The following HIVEP3 variants were observed in gnomAD, a reference collection of about 807,000 sequenced individuals.
HIVEP3 encodes the protein HIVEP zinc finger 3, also known as transcription factor HIVEP3.
In HIVEP3, 49 loss-of-function variants were observed where a neutral mutation model predicts 152.8. The observed-to-expected ratio is 0.32, with a 90% confidence interval of 0.26 to 0.41. The LOEUF (loss-of-function observed/expected upper bound fraction) is 0.41. HIVEP3 is among the 10% of genes least tolerant of loss of function. The probability of loss-of-function intolerance (pLI) is 1.00; values close to 1 mark genes in which losing one functional copy is unlikely to be tolerated. For missense variants in HIVEP3, 2,790 were observed against 3,103.3 expected (o/e 0.90, Z 2.40); for synonymous variants, 1,269 against 1,289.0 (o/e 0.98, Z 0.33).
intron 5 of HIVEP3, among the ~76,000 whole-genome samples, chr1:41,554,205 C>T (rs1259393922): frequency 6.6e-6 from 1 of 152,138 alleles, no homozygotes; most frequent in East Asian, 1.9e-4. Context: ...TCTTTTTACT[C>T]TTTTTTCTCT....
chr1:41,802,441 C>T (rs1320953960), intron 1 of HIVEP3, among the ~76,000 whole-genome samples: 6 of 152,136 alleles, frequency 3.9e-5, no homozygotes, highest in Non-Finnish European at 2.9e-5. Context: ...GTCTCAAACT[C>T]CTGGGCTCAA....
chr1:41,958,960 G>A (rs779822489), intron 1 of HIVEP3, among the ~76,000 whole-genome samples: 1 of 152,168 alleles, frequency 6.6e-6, no homozygotes, highest in Non-Finnish European at 1.5e-5. Context: ...TGTGTGTTAA[G>A]GCCAACCAGT....
chr1:41,837,268 T>C (rs1643151591), intron 1 of HIVEP3, among the ~76,000 whole-genome samples: 1 of 152,216 alleles, frequency 6.6e-6, no homozygotes, highest in African/African-American at 2.4e-5. Context: ...CCCTGAATAC[T>C]CCAGCAAAGG....
chr1:41,565,687 G>C (rs779068247), intron 5 of HIVEP3, among the ~76,000 whole-genome samples: 2 of 152,122 alleles, frequency 1.3e-5, no homozygotes, highest in Non-Finnish European at 2.9e-5. Flanking sequence ...CAGAAACAGA[G>C]GCCAGGATCC....
intron 5 of HIVEP3, among the ~76,000 whole-genome samples, chr1:41,564,970 G>A (rs552138415): frequency 5.9e-5 from 9 of 152,324 alleles, no homozygotes; most frequent in South Asian, 4.1e-4. Flanking sequence ...ACAACTCAGC[G>A]GAGCCCCTGC....
chr1:41,743,452 T>C (rs1647026780), intron 1 of HIVEP3, among the ~76,000 whole-genome samples: 8 of 152,246 alleles, frequency 5.3e-5, no homozygotes, highest in Admixed American at 5.2e-4. Flanking sequence ...GAATGAATGT[T>C]ACATGTTCAG....
chr1:41,887,341 T>G (rs1329611640), intron 1 of HIVEP3, among the ~76,000 whole-genome samples: 1 of 152,248 alleles, frequency 6.6e-6, no homozygotes. Flanking sequence ...TAAATAAATA[T>G]TCACCATGGT....
chr1:41,575,004 TCACCAAC>T (rs1644305687), intron 5 of HIVEP3, among the ~76,000 whole-genome samples: 1 of 152,074 alleles, frequency 6.6e-6, no homozygotes, highest in African/African-American at 2.4e-5. Flanking sequence ...TTCAAAATAT[TCACCAAC>T]CATTGAGCCC....
At chr1:41,847,244 A>G (rs1376418765) in intron 1 of HIVEP3, 1 of 152,266 alleles carries the variant, frequency 6.6e-6, no homozygotes, top group African/African-American at 2.4e-5. Context: ...AAAGTTGGAA[A>G]CAACCTAAAC....
intron 1 of HIVEP3, among the ~76,000 whole-genome samples, chr1:41,820,554 G>C (rs957297361): frequency 3.3e-5 from 5 of 152,172 alleles, no homozygotes; most frequent in African/African-American, 1.2e-4. Flanking sequence ...TGTTCTCCAA[G>C]GATAATGTAG....
intron 1 of HIVEP3, among the ~76,000 whole-genome samples, chr1:41,852,884 C>T (rs1029719506): frequency 6.6e-6 from 1 of 152,244 alleles, no homozygotes; most frequent in Non-Finnish European, 1.5e-5. Flanking sequence ...TAACTACTTA[C>T]AGCTGAGCAC....
At chr1:41,790,120 G>A (rs1236321833) in intron 1 of HIVEP3, among the ~76,000 whole-genome samples, 1 of 152,192 alleles carries the variant, frequency 6.6e-6, no homozygotes, top group East Asian at 1.9e-4. Context: ...TGATTTGGAT[G>A]TTCATTCCCC....
chr1:41,724,522 T>A (rs1281755502), intron 1 of HIVEP3, among the ~76,000 whole-genome samples: 2 of 152,178 alleles, frequency 1.3e-5, no homozygotes, highest in Admixed American at 6.5e-5. Flanking sequence ...TTGGCTTGGA[T>A]TACATATGCA....
rs1204287843 is a variant in HIVEP3 at position 41,873,245 on chromosome 1, C to A, written c.-801+45168G>T. Among the ~76,000 whole-genome samples the A allele has an allele frequency of 6.6e-6, 1 of 152,226 alleles. No individual in the cohort carries two copies. Among genetic ancestry groups the A allele is most frequent in the Non-Finnish European group, 1.5e-5 (1 of 68,044 alleles). Reference sequence around the variant, plus strand: ...CGTGCAGCCCCTTCGGTGCTCCTCTCTTCATCTGCCTTCAGAGGTAGTCCT... The same window carrying A: ...CGTGCAGCCCCTTCGGTGCTCCTCTATTCATCTGCCTTCAGAGGTAGTCCT... On this transcript the variant is annotated intron_variant, in intron 1 of 8. Coordinates refer to ENST00000372583, the MANE Select transcript of HIVEP3 (RefSeq NM_024503.5). The surrounding 1 kb of genome is among the most constrained non-coding windows in gnomAD (Gnocchi z 4.2).
chr1:41,661,816 G>T (rs752614116), intron 2 of HIVEP3, among the ~76,000 whole-genome samples: 3 of 152,248 alleles, frequency 2.0e-5, no homozygotes, highest in Non-Finnish European at 2.9e-5. Context: ...CAACGGCCGT[G>T]CCAGGCGCGA....
chr1:41,677,684 G>A (rs1645977610), intron 2 of HIVEP3, among the ~76,000 whole-genome samples: 1 of 152,234 alleles, frequency 6.6e-6, no homozygotes, highest in Non-Finnish European at 1.5e-5. Context: ...CAAGCTCCCA[G>A]CTAAAGTCCA....
At chr1:41,578,460 C>G (rs1353526950) in intron 4 of HIVEP3, among the ~76,000 whole-genome samples, 3 of 152,110 alleles carry the variant, frequency 2.0e-5, no homozygotes, top group Non-Finnish European at 4.4e-5. Flanking sequence ...TCCAGTCAAG[C>G]TAAGGACAAA....
chr1:41,833,475 G>A (rs1643025247), intron 1 of HIVEP3, among the ~76,000 whole-genome samples: 2 of 152,176 alleles, frequency 1.3e-5, no homozygotes, highest in African/African-American at 2.4e-5. Flanking sequence ...CTAGAGGCAA[G>A]GAAACAATGC....
intron 5 of HIVEP3, chr1:41,542,403 C>A: frequency 6.5e-6 from 1 of 154,948 alleles, no homozygotes; most frequent in East Asian, 1.8e-4. Flanking sequence ...CCCAGGACCC[C>A]CCCGCTGGAG....
Sources: gnomAD v4.1 joint callset for allele counts (sites outside exome capture counted in the v4.1 genomes callset) on GRCh38, gnomAD v4.1.1 for gene constraint, Gnocchi (gnomAD v3.1) non-coding constraint, MANE v1.5 for transcripts, NCBI Gene and HGNC (gene_info 2026-07-23, HGNC 2026-07-21) for gene names.